Variants in CSNK2A2IP observed in about 807,000 individuals in gnomAD.
CSNK2A2IP encodes casein kinase II subunit alpha'-interacting protein.
chr3:88,356,215 C>A, the CSNK2A2IP span, among the ~76,000 whole-genome samples: 2 of 152,012 alleles, frequency 1.3e-5, no homozygotes, highest in African/African-American at 4.8e-5. Flanking sequence ...TATTTTTGTA[C>A]CCATTAATTA....
the CSNK2A2IP span, among the ~76,000 whole-genome samples, chr3:88,410,365 C>T: frequency 6.6e-6 from 1 of 152,014 alleles, no homozygotes; most frequent in African/African-American, 2.4e-5. Flanking sequence ...TGACAACCTG[C>T]ATTCATGCTT....
the CSNK2A2IP span, among the ~76,000 whole-genome samples, chr3:88,360,166 C>T: frequency 3.1e-4 from 46 of 147,040 alleles, no homozygotes; most frequent in East Asian, 3.6e-3. Flanking sequence ...GATGGAGTCT[C>T]TCTCTGTTGC....
the CSNK2A2IP span, among the ~76,000 whole-genome samples, chr3:88,445,450 T>A: frequency 6.6e-6 from 1 of 151,948 alleles, no homozygotes; most frequent in Non-Finnish European, 1.5e-5. Context: ...ATCAAAAAAA[T>A]ATAAAATAAA....
At chr3:88,368,172 T>C in the CSNK2A2IP span, among the ~76,000 whole-genome samples, 2 of 151,998 alleles carry the variant, frequency 1.3e-5, no homozygotes, top group African/African-American at 4.8e-5. Context: ...CAAATTGAGA[T>C]GTCTTTCAGT....
At chr3:88,368,241 A>C in the CSNK2A2IP span, among the ~76,000 whole-genome samples, 1 of 152,028 alleles carries the variant, frequency 6.6e-6, no homozygotes, top group Non-Finnish European at 1.5e-5. Context: ...CACTGGGGAT[A>C]CAGTAGTAAC....
the CSNK2A2IP span, among the ~76,000 whole-genome samples, chr3:88,461,816 G>A: frequency 6.6e-6 from 1 of 151,614 alleles, no homozygotes; most frequent in African/African-American, 2.4e-5. Context: ...CCCAAGCTGG[G>A]GTGCAGTGGC....
At chr3:88,411,337 TC>T in the CSNK2A2IP span, among the ~76,000 whole-genome samples, 1 of 150,634 alleles carries the variant, frequency 6.6e-6, no homozygotes, top group African/African-American at 2.5e-5. Context: ...TTTAGCTCAC[TC>T]ACTCTATCTA....
At chr3:88,447,216 A>G in the CSNK2A2IP span, among the ~76,000 whole-genome samples, 6 of 152,306 alleles carry the variant, frequency 3.9e-5, no homozygotes, top group African/African-American at 1.2e-4. Context: ...GCAGAGAAAC[A>G]TAAATGGCCA....
chr3:88,408,830 G>T, the CSNK2A2IP span, among the ~76,000 whole-genome samples: 1 of 150,944 alleles, frequency 6.6e-6, no homozygotes, highest in Non-Finnish European at 1.5e-5. Context: ...ATTCCCTTTT[G>T]TTTTAATGTT....
At chr3:88,428,765 C>A in the CSNK2A2IP span, among the ~76,000 whole-genome samples, 2 of 151,964 alleles carry the variant, frequency 1.3e-5, no homozygotes, top group African/African-American at 4.8e-5. Flanking sequence ...AAGAAGATAA[C>A]CAAATGAGAC....
the CSNK2A2IP span, among the ~76,000 whole-genome samples, chr3:88,346,748 A>G: frequency 6.6e-6 from 1 of 152,010 alleles, no homozygotes; most frequent in Non-Finnish European, 1.5e-5. Flanking sequence ...AGGAGCTCTG[A>G]TGGAACTGTA....
the CSNK2A2IP span, among the ~76,000 whole-genome samples, chr3:88,344,043 T>G: frequency 6.6e-6 from 1 of 151,998 alleles, no homozygotes; most frequent in African/African-American, 2.4e-5. Flanking sequence ...GGAAAAAACT[T>G]TCAAACATTT....
the CSNK2A2IP span, among the ~76,000 whole-genome samples, chr3:88,422,775 C>CT: frequency 6.6e-6 from 1 of 152,082 alleles, no homozygotes; most frequent in Non-Finnish European, 1.5e-5. Context: ...TCCTCGTTTC[C>CT]TTTTTATAGA....
At chr3:88,438,069 C>A in the CSNK2A2IP span, among the ~76,000 whole-genome samples, 1 of 152,092 alleles carries the variant, frequency 6.6e-6, no homozygotes, top group Non-Finnish European at 1.5e-5. Context: ...CTTATTGATT[C>A]TACTCTTTAC....
the CSNK2A2IP span, among the ~76,000 whole-genome samples, chr3:88,387,687 G>C: frequency 2.6e-5 from 4 of 151,908 alleles, no homozygotes; most frequent in Non-Finnish European, 5.9e-5. Context: ...TATATTTCTA[G>C]CATATATCAA....
the CSNK2A2IP span, among the ~76,000 whole-genome samples, chr3:88,349,612 A>T: frequency 1.3e-5 from 2 of 152,006 alleles, no homozygotes; most frequent in Non-Finnish European, 2.9e-5. Flanking sequence ...TGCATGTATC[A>T]TTTTCATATA....
At chr3:88,367,537 A>G in the CSNK2A2IP span, among the ~76,000 whole-genome samples, 3 of 152,126 alleles carry the variant, frequency 2.0e-5, no homozygotes, top group Non-Finnish European at 4.4e-5. Flanking sequence ...AATAAGTTAT[A>G]AGGGGTCTCC....
chr3:88,418,104 T>C, the CSNK2A2IP span, among the ~76,000 whole-genome samples: 3 of 147,824 alleles, frequency 2.0e-5, no homozygotes, highest in African/African-American at 7.3e-5. Flanking sequence ...TAGTTGTACG[T>C]ATAAGAAAAT....
the CSNK2A2IP span, among the ~76,000 whole-genome samples, chr3:88,342,087 G>C: frequency 1.3e-5 from 2 of 151,816 alleles, no homozygotes; most frequent in Non-Finnish European, 2.9e-5. Flanking sequence ...TCTTTTTTTA[G>C]TGTTAGCAAG....
Sources: allele counts gnomAD v4.1 joint callset (sites outside exome capture counted in the v4.1 genomes callset), GRCh38; gene constraint gnomAD v4.1.1; transcripts MANE v1.5; gene names NCBI Gene and HGNC (gene_info 2026-07-23, HGNC 2026-07-21).